RUNDC3A: variants seen among roughly 807,000 people sequenced by gnomAD.
The protein encoded by RUNDC3A is RUN domain-containing protein 3A.
Under a neutral mutation model 53.9 loss-of-function variants are expected in RUNDC3A, and 28 were observed. The observed-to-expected ratio is 0.52, with a 90% CI of 0.38 to 0.71. RUNDC3A has a LOEUF of 0.71. Ranked by LOEUF, RUNDC3A falls within the 30% of genes least tolerant of loss-of-function variation. The pLI, the probability that RUNDC3A is intolerant of heterozygous loss-of-function variation, is 0.00. For missense variants in RUNDC3A, 491 were observed against 597.3 expected (o/e 0.82, Z 1.85); for synonymous variants, 232 against 249.4 (o/e 0.93, Z 0.66).
chr17:44,313,550 G>C, intron 4 of RUNDC3A, 47 bp downstream of exon 4: 1 of 1,580,908 alleles, frequency 6.3e-7, no homozygotes, highest in Non-Finnish European at 8.6e-7. Flanking sequence ...GAGTGCACCT[G>C]CATTGCCCAA....
intron 3 of RUNDC3A, 23 bp from the exon 4 acceptor site, chr17:44,313,395 G>A (rs1397120313): frequency 6.2e-7 from 1 of 1,613,876 alleles, no homozygotes; most frequent in African/African-American, 1.3e-5. Context: ...GGGGCAGCAA[G>A]TAAAGGTGAA....
intron 10 of RUNDC3A, chr17:44,317,726 CTGTG>C: frequency 3.2e-6 from 2 of 616,678 alleles, no homozygotes; most frequent in South Asian, 1.9e-5. Flanking sequence ...TTGTGATTGT[CTGTG>C]TGTCTGTCTC....
In RUNDC3A at chr17:44,318,189, G is replaced by A. The variant is rs2047912820; in HGVS notation, c.1292G>A (p.Cys431Tyr). ...KSLASFKSNE[C>Y]LVSDSPEGSP... ...CTGGCGAGCTTCAAATCCAACGAGT[G>A]CCTGGTGAGCGACAGTCCCGAGGGC... Residue 431 changes from cysteine (C) to tyrosine (Y), a missense_variant, in exon 11 of 11, where the codon TGC becomes TAC. Physicochemically the swap from Cys to Tyr is radical, Grantham distance 194 (BLOSUM62 -2). Transcript: ENST00000426726. 6.4e-7 allele frequency: 1 copy of A among 1,551,448 alleles called. No individual in the cohort carries two copies. Among genetic ancestry groups the A allele is most frequent in the Non-Finnish European group, 8.7e-7 (1 of 1,147,000 alleles).
chr17:44,315,245 C>A lies in RUNDC3A; in HGVS notation c.720C>A (p.Leu240=). The A allele has an allele frequency of 6.4e-7, 1 of 1,550,846 alleles. No individual in the cohort carries two copies. Residue 240 remains leucine (L), a synonymous_variant, in exon 7 of 11, where the codon CTC becomes CTA. Transcript: ENST00000426726. This position sits in a 1 kb window ranked among gnomAD's most constrained non-coding sequence, Gnocchi z 6.1. ...DNSPEHPYLP[L]VTDEDSWYSK... is the part of the protein sequence containing the mutation. ...CGCCCGAGCACCCGTACCTCCCGCT[C>A]GTCACCGATGAGGACAGCTGGTACA...
In RUNDC3A at chr17:44,312,574, GC is replaced by G; in HGVS notation, c.108-3del. On this transcript the variant is annotated splice_polypyrimidine_tract_variant and splice_region_variant and intron_variant, in intron 1 of 10. Transcript: ENST00000426726. The stretch of plus-strand genomic sequence containing the variant: ...CACTGCCCCATCTCCCCACCTCGCC[GC>G]CCAGGTTCTCTGTGAAAACGCTGCT... The G allele has an allele frequency of 6.5e-7, 1 of 1,543,634 alleles. No individual in the cohort carries two copies. The highest frequency in any genetic ancestry group is 8.8e-7 in the Non-Finnish European group (1 of 1,138,014).
rs2047849977 is a variant in RUNDC3A, at chr17:44,315,754, C to A, written c.953+145C>A. 1.4e-6 allele frequency: 1 copy of A among 697,822 alleles called. No homozygotes were observed. Among genetic ancestry groups the A allele is most frequent in the East Asian group, 3.5e-5 (1 of 28,926 alleles). 43.2% of individuals were successfully genotyped at this position (697,822 alleles called of 1,614,324 possible). On this transcript the variant is annotated intron_variant, in intron 8 of 10. Coordinates refer to ENST00000426726, the MANE Select transcript of RUNDC3A (RefSeq NM_001144825.2). This position sits in a 1 kb window ranked among gnomAD's most constrained non-coding sequence, Gnocchi z 6.1. ...CATCAACCCTCTGATCCAGCCAGCC[C>A]CACCCCGAGATGCCCACAATGATCT...
rs376389316 is a variant in RUNDC3A, at chr17:44,318,510, G to A, written c.*272G>A. ...GCTCCATTCTTCTGGTGACCTTGGC[G>A]CTCCTTCACTCATCTCCCCTGCCCC... On this transcript the variant is annotated 3_prime_UTR_variant, in exon 11 of 11. Transcript: ENST00000426726. 3.4e-5 allele frequency: 16 copies of A among 466,768 alleles called. No homozygotes were observed. The highest frequency in any genetic ancestry group is 1.4e-4 in the South Asian group (5 of 34,828). 28.9% of individuals were successfully genotyped at this position (466,768 alleles called of 1,614,324 possible). A position where few individuals can be genotyped will look rare whatever the true frequency, so the allele number is the denominator to read the frequency against.
chr17:44,311,062 G>T, intron 1 of RUNDC3A: 1 of 985,426 alleles, frequency 1.0e-6, no homozygotes, highest in Non-Finnish European at 1.2e-6. Flanking sequence ...GACTCACAGA[G>T]GGGCCCAAGG....
At chr17:44,313,555 G>A (rs2047792112) in intron 4 of RUNDC3A, 52 bp downstream of exon 4, 2 of 1,574,766 alleles carry the variant, frequency 1.3e-6, no homozygotes, top group South Asian at 2.3e-5. Flanking sequence ...CACCTGCATT[G>A]CCCAAACACA....
chr17:44,313,875 G>T, intron 4 of RUNDC3A: 1 of 782,652 alleles, frequency 1.3e-6, no homozygotes, highest in South Asian at 5.2e-5. Context: ...TCTCCATGTT[G>T]GTCAGGCTGG....
intron 2 of RUNDC3A, 28 bp downstream of exon 2, chr17:44,312,723 T>A (rs1424723799): frequency 3.0e-6 from 3 of 1,005,102 alleles, no homozygotes; most frequent in African/African-American, 4.5e-5. Context: ...CCCCCAGCGG[T>A]CCCTCCCCCA....
Position 44,318,569 on chromosome 17 carries a change from A to G in RUNDC3A, c.*331A>G, listed in dbSNP as rs1294759656. On this transcript the variant is annotated 3_prime_UTR_variant, in exon 11 of 11. Coordinates refer to ENST00000426726, the MANE Select transcript of RUNDC3A (RefSeq NM_001144825.2). ...CTGGTGGCCCAGCTTCCACACCCCC[A>G]CCTCCCAGTCTCTAGCCTCTCCATC... is the stretch of plus-strand genomic sequence containing the variant. The G allele has an allele frequency of 3.5e-6, 1 of 287,870 alleles. No individual in the cohort carries two copies. The highest frequency in any genetic ancestry group is 5.9e-5 in the South Asian group (1 of 16,902). 17.8% of individuals were successfully genotyped at this position (287,870 alleles called of 1,614,324 possible).
chr17:44,315,655 C>A lies in RUNDC3A; in HGVS notation c.953+46C>A, dbSNP rs1374706071. ...AACCCCTGACCCCCGCCGCCCCGACCACATCACCGGGTGAACCCCATCTTC... is the reference window on the plus strand; with the variant it reads ...AACCCCTGACCCCCGCCGCCCCGACAACATCACCGGGTGAACCCCATCTTC... On this transcript the variant is annotated intron_variant, in intron 8 of 10. Coordinates refer to ENST00000426726, the MANE Select transcript of RUNDC3A (RefSeq NM_001144825.2). This position sits in a 1 kb window ranked among gnomAD's most constrained non-coding sequence, Gnocchi z 6.1. 1 of 1,355,330 alleles carries A rather than the reference C, an allele frequency of 7.4e-7. No homozygotes were observed. Among genetic ancestry groups the A allele is most frequent in the Non-Finnish European group, 9.6e-7 (1 of 1,043,206 alleles). The allele number at this position is 1,355,330 out of a possible 1,614,324, so 84.0% of individuals were successfully genotyped here. A position where few individuals can be genotyped will look rare whatever the true frequency, so the allele number is the denominator to read the frequency against.
chr17:44,313,055 C>A, intron 2 of RUNDC3A, 49 bp from the exon 3 acceptor site: 1 of 1,602,222 alleles, frequency 6.2e-7, no homozygotes. Flanking sequence ...TACATGGACC[C>A]TCTCCAAACT....
In RUNDC3A at chr17:44,316,448, C is replaced by T; in HGVS notation, c.1017C>T (p.Pro339=). The T allele has an allele frequency of 5.0e-6, 8 of 1,613,840 alleles. No homozygotes were observed. Among genetic ancestry groups the T allele is most frequent in the Non-Finnish European group, 5.1e-6 (6 of 1,179,886 alleles). Residue 339 remains proline (P), a synonymous_variant, in exon 9 of 11, where the codon CCC becomes CCT. Coordinates refer to ENST00000426726, the MANE Select transcript of RUNDC3A (RefSeq NM_001144825.2). ...AGGGTTCCAAGGAGCTCACTACACCCCTGGTCAATCAATGGCCCTCACTGG... is the reference window on the plus strand; with the variant it reads ...AGGGTTCCAAGGAGCTCACTACACCTCTGGTCAATCAATGGCCCTCACTGG... ...LAQGSKELTT[P]LVNQWPSLGT... is the part of the protein sequence containing the mutation.
In RUNDC3A at chr17:44,315,055, G is replaced by C. The variant is rs774353355; in HGVS notation, c.629+46G>C. The C allele has an allele frequency of 1.9e-6, 3 of 1,610,696 alleles. No homozygotes were observed. The highest frequency in any genetic ancestry group is 1.3e-5 in the African/African-American group (1 of 74,604). On this transcript the variant is annotated intron_variant, in intron 6 of 10. Coordinates refer to ENST00000426726, the MANE Select transcript of RUNDC3A (RefSeq NM_001144825.2). The surrounding 1 kb of genome is among the most constrained non-coding windows in gnomAD (Gnocchi z 6.1). The stretch of plus-strand genomic sequence containing the variant: ...GGCGGGGCGGGGGACGGGGCCTCGG[G>C]ACATCCTGGGGACGTCCTGGTCCCA...
rs543881296 is a variant in RUNDC3A at position 44,311,903 on chromosome 17, A to G, written c.108-677A>G. On this transcript the variant is annotated intron_variant, in intron 1 of 10. Transcript: ENST00000426726. ...CCTGCCCAGTGTCTGTGTCAGGCCC[A>G]TACCCCGCACCTCCCCACCCCACCC... Among the ~76,000 whole-genome samples, 4 of 151,856 alleles carry G rather than the reference A, an allele frequency of 2.6e-5. No homozygotes were observed. In the East Asian group the frequency reaches 7.8e-4, roughly 30 times the overall value.
At chr17:44,310,292 C>G (rs1361086974) in intron 1 of RUNDC3A, among the ~76,000 whole-genome samples, 1 of 151,936 alleles carries the variant, frequency 6.6e-6, no homozygotes, top group African/African-American at 2.4e-5. Context: ...GAAAATGGCA[C>G]CATCCATGTA....
Position 44,318,151 on chromosome 17 carries a change from C to T in RUNDC3A, c.1254C>T (p.Pro418=), listed in dbSNP as rs2047911694. 6.4e-7 allele frequency: 1 copy of T among 1,551,538 alleles called. No homozygotes were observed. Among genetic ancestry groups the T allele is most frequent in the Non-Finnish European group, 8.7e-7 (1 of 1,146,970 alleles). The change falls in exon 11 of 11, where the codon CCC becomes CCT. Residue 418 remains proline, a synonymous_variant. Coordinates refer to ENST00000426726, the MANE Select transcript of RUNDC3A (RefSeq NM_001144825.2). ...TCTGCGGCTCCCTGGCCTCCATTCC[C>T]AGCTGCAAGTCCCTGGCGAGCTTCA... ...LGLCGSLASI[P]SCKSLASFKS... is the part of the protein sequence containing the mutation.
Sources: gnomAD v4.1 joint callset for allele counts (sites outside exome capture counted in the v4.1 genomes callset) on GRCh38, gnomAD v4.1.1 for gene constraint, Gnocchi (gnomAD v3.1) non-coding constraint, MANE v1.5 for transcripts, NCBI Gene and HGNC (gene_info 2026-07-23, HGNC 2026-07-21) for gene names.